The following SEM1 variants were observed in gnomAD, a reference collection of about 807,000 sequenced individuals.
The protein encoded by SEM1 is SEM1 26S proteasome subunit.
In SEM1, 3 loss-of-function variants were observed where a neutral mutation model predicts 12.7. That is an observed-to-expected ratio of 0.24 (90% CI 0.11 to 0.61). The LOEUF is 0.61. SEM1 is among the 20% of genes least tolerant of loss of function. SEM1 has a pLI of 0.88. For synonymous variants in SEM1, 30 were observed against 27.8 expected (o/e 1.08, Z -0.25); for missense variants, 59 against 81.3 (o/e 0.73, Z 1.06).
At chr7:96,673,583 G>T (rs1422913521) in exon 3 of SEM1, 4 of 612,754 alleles carry the variant, frequency 6.5e-6, no homozygotes, top group African/African-American at 5.5e-5. Flanking sequence ...TGCCCAGGCT[G>T]GACCTTCACC....
At chr7:96,676,747 A>G (rs947203290) in intron 2 of SEM1, among the ~76,000 whole-genome samples, 14 of 152,254 alleles carry the variant, frequency 9.2e-5, no homozygotes, top group African/African-American at 3.4e-4. Context: ...TACATCACAA[A>G]TTTATACAGA....
chr7:96,624,423 G>A (rs1351925430), intron 2 of SEM1, among the ~76,000 whole-genome samples: 1 of 152,244 alleles, frequency 6.6e-6, no homozygotes, highest in Non-Finnish European at 1.5e-5. Flanking sequence ...CAAGTGGGTC[G>A]GAGCATGGGC....
chr7:96,707,434 AGAG>A (rs1275022194), intron 1 of SEM1, among the ~76,000 whole-genome samples: 1 of 152,254 alleles, frequency 6.6e-6, no homozygotes, highest in African/African-American at 2.4e-5. Flanking sequence ...ATCATAAACC[AGAG>A]AAGAGAAACT....
intron 2 of SEM1, among the ~76,000 whole-genome samples, chr7:96,524,473 G>A (rs1030342315): frequency 2.0e-5 from 3 of 151,908 alleles, no homozygotes; most frequent in Non-Finnish European, 2.9e-5. Flanking sequence ...AAATAGCAAC[G>A]TATAGCTAAT....
At chr7:96,595,685 T>C (rs1262984976) in intron 2 of SEM1, among the ~76,000 whole-genome samples, 1 of 152,204 alleles carries the variant, frequency 6.6e-6, no homozygotes, top group Non-Finnish European at 1.5e-5. Flanking sequence ...GCCAGATGTT[T>C]ATAGATTTTC....
At chr7:96,537,772 A>G (rs1477789801) in intron 2 of SEM1, among the ~76,000 whole-genome samples, 2 of 151,108 alleles carry the variant, frequency 1.3e-5, no homozygotes, top group East Asian at 1.9e-4. Flanking sequence ...TGTTTTGTGT[A>G]TTTATCCTGG....
chr7:96,525,986 A>C (rs536521494), intron 2 of SEM1, among the ~76,000 whole-genome samples: 2 of 152,240 alleles, frequency 1.3e-5, no homozygotes, highest in East Asian at 3.9e-4. Flanking sequence ...TGCACAATGC[A>C]ATGTATTCTA....
At chr7:96,580,532 G>C (rs1299622586) in intron 2 of SEM1, among the ~76,000 whole-genome samples, 1 of 151,944 alleles carries the variant, frequency 6.6e-6, no homozygotes, top group Non-Finnish European at 1.5e-5. Context: ...CTAGATCCCT[G>C]AGGAAATGCC....
intron 2 of SEM1, among the ~76,000 whole-genome samples, chr7:96,639,430 A>G (rs1808524548): frequency 6.6e-6 from 1 of 151,928 alleles, no homozygotes; most frequent in Non-Finnish European, 1.5e-5. Flanking sequence ...ATAGACCCAC[A>G]AAAATATATT....
At chr7:96,613,126 C>A (rs529649977) in intron 2 of SEM1, among the ~76,000 whole-genome samples, 1 of 152,070 alleles carries the variant, frequency 6.6e-6, no homozygotes, top group South Asian at 2.1e-4. Context: ...CTAGAGGAGA[C>A]CTTTTGGGGT....
At chr7:96,647,404 GA>G (rs1305558805) in intron 2 of SEM1, 1 of 152,140 alleles carries the variant, frequency 6.6e-6, no homozygotes, top group Non-Finnish European at 1.5e-5. Flanking sequence ...TTTTCTCTTA[GA>G]AAATATATCC....
At chr7:96,569,350 T>C (rs1352531808) in intron 2 of SEM1, among the ~76,000 whole-genome samples, 4 of 152,186 alleles carry the variant, frequency 2.6e-5, no homozygotes, top group Admixed American at 6.5e-5. Flanking sequence ...ATAACCAGCA[T>C]TGTATTTGTG....
rs919432525 is a variant in SEM1 at position 96,523,356 on chromosome 7, G to A, written c.171-16658C>T. 2.6e-5 allele frequency among the ~76,000 whole-genome samples: 4 copies of A among 152,126 alleles called. No individual in the cohort carries two copies. The East Asian group carries it at 5.8e-4, about 22-fold the overall frequency. ...ATGGAGGCAGTGGTTGGGGATCAGG[G>A]AAGTTGGTAGGGAAGAGGAGTAAGA... On this transcript the variant is annotated intron_variant and NMD_transcript_variant, in intron 2 of 3. Coordinates refer to the SEM1 transcript ENST00000466986.
chr7:96,607,243 A>G (rs973932334), intron 2 of SEM1, among the ~76,000 whole-genome samples: 10 of 152,172 alleles, frequency 6.6e-5, no homozygotes, highest in Non-Finnish European at 1.0e-4. Context: ...AAACAAATAG[A>G]TGTTGAATAT....
At chr7:96,687,291 G>T (rs541428042), downstream of SEM1, among the ~76,000 whole-genome samples, 22 of 152,232 alleles carry the variant, frequency 1.4e-4, no homozygotes, top group Admixed American at 8.5e-4. Flanking sequence ...ACTGGGTATA[G>T]ACCCAAAGGA....
chr7:96,691,364 G>A (rs982019119), intron 2 of SEM1, among the ~76,000 whole-genome samples: 6 of 152,116 alleles, frequency 3.9e-5, no homozygotes, highest in Non-Finnish European at 8.8e-5. Context: ...TCACTTAAAC[G>A]TTATAATAAC....
At chr7:96,502,850 T>C (rs1003382589) in intron 3 of SEM1, among the ~76,000 whole-genome samples, 6 of 152,238 alleles carry the variant, frequency 3.9e-5, no homozygotes, top group Non-Finnish European at 7.3e-5. Flanking sequence ...GCCAAATGAA[T>C]GTGGACAAGT....
intron 2 of SEM1, among the ~76,000 whole-genome samples, chr7:96,563,009 T>C (rs978218259): frequency 2.6e-5 from 4 of 152,116 alleles, no homozygotes; most frequent in Admixed American, 1.3e-4. Context: ...AATGTTTTGA[T>C]TTAATAGACA....
chr7:96,585,520 G>T (rs910277095), intron 2 of SEM1, among the ~76,000 whole-genome samples: 70 of 152,352 alleles, frequency 4.6e-4, no homozygotes, highest in Non-Finnish European at 8.7e-4. Context: ...CAGCTGCTTT[G>T]TTTACCTAAG....
Sources: allele counts gnomAD v4.1 joint callset (sites outside exome capture counted in the v4.1 genomes callset), GRCh38; gene constraint gnomAD v4.1.1; transcripts MANE v1.5; gene names NCBI Gene and HGNC (gene_info 2026-07-23, HGNC 2026-07-21).